MED21: variants seen among roughly 807,000 people sequenced by gnomAD.
MED21 encodes the protein mediator of RNA polymerase II transcription subunit 21.
A neutral mutation model predicts 18.2 loss-of-function variants in MED21; 9 were observed. The observed-to-expected ratio is 0.49, with a 90% CI of 0.30 to 0.86. MED21 has a LOEUF of 0.86. Among genes scored for constraint, MED21 ranks in the 40% least tolerant of loss-of-function variants. The pLI, the probability that MED21 is intolerant of heterozygous loss-of-function variation, is 0.07. For missense variants in MED21, 150 were observed against 170.9 expected (o/e 0.88, Z 0.68); for synonymous variants, 73 against 60.5 (o/e 1.21, Z -0.96).
rs1941604799 is a variant in MED21 at position 27,030,370 on chromosome 12, A to G, written c.*1909A>G. On this transcript the variant is annotated 3_prime_UTR_variant, in exon 4 of 4. Coordinates refer to ENST00000282892, the MANE Select transcript of MED21 (RefSeq NM_004264.5). Reference sequence around the variant, plus strand: ...GGCTAATGCCAAACTGCTAACCTCAAGATATTAATACTATACAGTAGACTA... The same window carrying G: ...GGCTAATGCCAAACTGCTAACCTCAGGATATTAATACTATACAGTAGACTA... The G allele has an allele frequency of 7.0e-6, 3 of 431,468 alleles. No homozygotes were observed. The highest frequency in any genetic ancestry group is 7.9e-5 in the Admixed American group (2 of 25,380). The allele number at this position is 431,468 out of a possible 1,614,324, so 26.7% of individuals were successfully genotyped here.
chr12:27,032,832 C>T (rs1453949625), downstream of MED21, among the ~76,000 whole-genome samples: 1 of 152,178 alleles, frequency 6.6e-6, no homozygotes, highest in African/African-American at 2.4e-5. Flanking sequence ...ATGCTTCTCC[C>T]TTCCCCGTAA....
At chr12:27,036,638 G>C (rs150456389) in intron 2 of MED21, among the ~76,000 whole-genome samples, 24,866 of 152,166 alleles carry the variant, frequency 0.16, 2,339 homozygotes, top group African/African-American at 0.26. Context: ...AAGGGATCCA[G>C]TTTCAGCTTT....
downstream of MED21, among the ~76,000 whole-genome samples, chr12:27,032,128 C>G (rs1941624012): frequency 6.6e-6 from 1 of 152,104 alleles, no homozygotes; most frequent in Non-Finnish European, 1.5e-5. Context: ...AAGCCATATT[C>G]TCTCTATTCT....
At position 27,030,276 on chromosome 12, in the gene MED21, T is replaced by C; in HGVS notation, c.*1815T>C. ...TCTTCAGTAACTGGGACTACAGGCA[T>C]GTACTACCACGTCCAGCTAATTTTT... On this transcript the variant is annotated 3_prime_UTR_variant, in exon 4 of 4. Transcript: ENST00000282892. The C allele has an allele frequency of 1.9e-6, 1 of 535,170 alleles. No individual in the cohort carries two copies. The highest frequency in any genetic ancestry group is 3.4e-6 in the Non-Finnish European group (1 of 296,662). The allele number at this position is 535,170 out of a possible 1,614,324, so 33.2% of individuals were successfully genotyped here.
intron 1 of MED21, chr12:27,022,826 G>A (rs1181897894): frequency 2.7e-6 from 4 of 1,492,456 alleles, no homozygotes; most frequent in Non-Finnish European, 3.6e-6. Context: ...GCGGGAGGGA[G>A]CAGACTCTTT....
chr12:27,022,660 T>G (rs757745325), intron 1 of MED21, 39 bp downstream of exon 1: 1 of 1,611,524 alleles, frequency 6.2e-7, no homozygotes, highest in East Asian at 2.2e-5. Context: ...TCTTTCTCTT[T>G]CTTGAGGTAA....
At chr12:27,037,202 A>G (rs1175002504) in intron 2 of MED21, 2 of 151,064 alleles carry the variant, frequency 1.3e-5, no homozygotes, top group East Asian at 1.9e-4. Context: ...CTTTGAAGCA[A>G]TTGTGAATGG....
rs1941594211 is a variant in MED21 at position 27,029,832 on chromosome 12, G to A, written c.*1371G>A. ...CAGAAAACTTATTCAAAGTACCTAAGTATTATAAAGGAGTCAAAAAGGTAC... is the reference window on the plus strand; with the variant it reads ...CAGAAAACTTATTCAAAGTACCTAAATATTATAAAGGAGTCAAAAAGGTAC... On this transcript the variant is annotated 3_prime_UTR_variant, in exon 4 of 4. Coordinates refer to ENST00000282892, the MANE Select transcript of MED21 (RefSeq NM_004264.5). The A allele has an allele frequency of 5.0e-6, 5 of 1,001,866 alleles. No individual in the cohort carries two copies. Among genetic ancestry groups the A allele is most frequent in the Non-Finnish European group, 6.0e-6 (5 of 839,584 alleles). 62.1% of individuals were successfully genotyped at this position (1,001,866 alleles called of 1,614,324 possible). A position where few individuals can be genotyped will look rare whatever the true frequency, so the allele number is the denominator to read the frequency against.
chr12:27,035,767 C>T (rs1216359755), intron 2 of MED21, among the ~76,000 whole-genome samples: 1 of 151,792 alleles, frequency 6.6e-6, no homozygotes, highest in African/African-American at 2.4e-5. Context: ...AGGACATGAA[C>T]TCATCATTGT....
intron 2 of MED21, chr12:27,038,351 T>C (rs1451552173): frequency 6.6e-6 from 1 of 152,158 alleles, no homozygotes; most frequent in Non-Finnish European, 1.5e-5. Flanking sequence ...AAATGTAAGA[T>C]ATCTAGGGAT....
downstream of MED21, chr12:27,030,762 T>C (rs564229891): frequency 6.6e-6 from 1 of 152,332 alleles, no homozygotes; most frequent in African/African-American, 2.4e-5. Context: ...CAGTTAACCC[T>C]AAAGATTTCT....
downstream of MED21, among the ~76,000 whole-genome samples, chr12:27,035,536 C>T (rs183875833): frequency 0.029 from 4,351 of 149,366 alleles, 89 homozygotes; most frequent in Middle Eastern, 0.079. Flanking sequence ...GTGCTGCACC[C>T]GTTAACTCGT....
intron 1 of MED21, among the ~76,000 whole-genome samples, chr12:27,025,857 T>C (rs1366091018): frequency 1.3e-5 from 2 of 152,190 alleles, no homozygotes; most frequent in Non-Finnish European, 2.9e-5. Flanking sequence ...AGGAATACTT[T>C]TAGAGTACAA....
intron 2 of MED21, among the ~76,000 whole-genome samples, chr12:27,035,933 T>C (rs1375559732): frequency 2.0e-5 from 3 of 152,170 alleles, no homozygotes; most frequent in Non-Finnish European, 4.4e-5. Flanking sequence ...GCATGATTTA[T>C]AGTCCTTTGG....
chr12:27,028,504 G>T lies in MED21; in HGVS notation c.*43G>T. The T allele has an allele frequency of 6.3e-7, 1 of 1,576,952 alleles. No individual in the cohort carries two copies. Among genetic ancestry groups the T allele is most frequent in the South Asian group, 1.2e-5 (1 of 85,796 alleles). ...TGGCTGAGAAAAGAACTGTTTGAGT[G>T]CCATTAAGAATTCTGCATCAGACTT... On this transcript the variant is annotated 3_prime_UTR_variant, in exon 4 of 4. Transcript: ENST00000282892.
chr12:27,033,652 A>G (rs948470196), downstream of MED21, among the ~76,000 whole-genome samples: 1 of 152,200 alleles, frequency 6.6e-6, no homozygotes, highest in Non-Finnish European at 1.5e-5. Context: ...GCACTCATTT[A>G]CTGTGAGGTA....
intron 2 of MED21, 81 bp downstream of exon 2, chr12:27,026,615 CAGCTT>C: frequency 1.1e-6 from 1 of 925,178 alleles, no homozygotes; most frequent in Non-Finnish European, 1.7e-6. Flanking sequence ...TTGAGAAATT[CAGCTT>C]ATTTTATTTC....
At chr12:27,023,113 C>A (rs1360722825) in intron 1 of MED21, among the ~76,000 whole-genome samples, 1 of 151,930 alleles carries the variant, frequency 6.6e-6, no homozygotes. Flanking sequence ...CAGGTTGGTG[C>A]GGGAGCGATG....
downstream of MED21, among the ~76,000 whole-genome samples, chr12:27,030,942 C>T (rs1331772267): frequency 1.3e-5 from 2 of 152,222 alleles, no homozygotes; most frequent in Non-Finnish European, 2.9e-5. Context: ...TGGAGTTTCA[C>T]TCTTGTCCAG....
Sources: allele counts gnomAD v4.1 joint callset (sites outside exome capture counted in the v4.1 genomes callset), GRCh38; gene constraint gnomAD v4.1.1; transcripts MANE v1.5; gene names NCBI Gene and HGNC (gene_info 2026-07-23, HGNC 2026-07-21).